Variants in PCDHGA4 observed in about 807,000 individuals in gnomAD.
The protein encoded by PCDHGA4 is protocadherin gamma-A4.
PCDHGA4 carries 38 observed loss-of-function variants against 54.6 expected under a neutral mutation model. That is an observed-to-expected ratio of 0.70 (90% confidence interval 0.54 to 0.91). PCDHGA4 has a LOEUF of 0.91. Ranked by LOEUF, PCDHGA4 falls within the 40% of genes least tolerant of loss-of-function variation. The pLI is 0.00. For synonymous variants in PCDHGA4, 511 were observed against 512.9 expected, an observed-to-expected ratio of 1.00 and a Z score of 0.05; for missense variants, 1,298 against 1,220.9, an observed-to-expected ratio of 1.06 and a Z score of -0.94.
intron 1 of PCDHGA4, chr5:141,398,032 C>A: frequency 6.8e-7 from 1 of 1,469,940 alleles, no homozygotes; most frequent in South Asian, 1.4e-5. Flanking sequence ...GGAACTGGAA[C>A]TAAAGCCCGT....
chr5:141,431,016 C>T lies in PCDHGA4; in HGVS notation c.2515-63791C>T, dbSNP rs755015257. Reference sequence around the variant, plus strand: ...AATCCGCGCAGCGGCAGCTTGGTCACGGCGGGCAGGATAGACCGGGAGGAG... The same window carrying T: ...AATCCGCGCAGCGGCAGCTTGGTCATGGCGGGCAGGATAGACCGGGAGGAG... On this transcript the variant is annotated intron_variant, in intron 1 of 3. Transcript: ENST00000571252. This position sits in a 1 kb window ranked among gnomAD's most constrained non-coding sequence, Gnocchi z 4.8. 3 of 1,613,456 alleles carry T rather than the reference C, an allele frequency of 1.9e-6. No individual in the cohort carries two copies. The highest frequency in any genetic ancestry group is 2.2e-5 in the South Asian group (2 of 91,058).
chr5:141,489,069 C>G lies in PCDHGA4; in HGVS notation c.2515-5738C>G. ...TCAAATTCAGCTCCCCTCCCCCCTGCCCACCCCCGCCACTCGGTGACTAAG... is the reference window on the plus strand; with the variant it reads ...TCAAATTCAGCTCCCCTCCCCCCTGGCCACCCCCGCCACTCGGTGACTAAG... On this transcript the variant is annotated intron_variant, in intron 1 of 3. Coordinates refer to ENST00000571252, the MANE Select transcript of PCDHGA4 (RefSeq NM_018917.4). The surrounding 1 kb of genome is among the most constrained non-coding windows in gnomAD (Gnocchi z 4.5). 6.4e-5 allele frequency: 18 copies of G among 281,056 alleles called. No homozygotes were observed. Among genetic ancestry groups the G allele is most frequent in the Middle Eastern group, 1.1e-3 (1 of 944 alleles). 17.4% of individuals were successfully genotyped at this position (281,056 alleles called of 1,614,324 possible).
Position 141,431,334 on chromosome 5 carries a change from C to G in PCDHGA4, c.2515-63473C>G, listed in dbSNP as rs775651426. ...AATGGAGCCGACGGTAGTAAGTACC[C>G]CGAATTGGTGCTGAAACGCGCCCTG... On this transcript the variant is annotated intron_variant, in intron 1 of 3. Transcript: ENST00000571252. This position sits in a 1 kb window ranked among gnomAD's most constrained non-coding sequence, Gnocchi z 4.8. 1.9e-6 allele frequency: 3 copies of G among 1,614,118 alleles called. No individual in the cohort carries two copies. The South Asian group carries it at 3.3e-5, about 18-fold the overall frequency.
intron 1 of PCDHGA4, chr5:141,409,130 G>C (rs1265386524): frequency 2.5e-6 from 4 of 1,613,994 alleles, no homozygotes; most frequent in Non-Finnish European, 3.4e-6. Flanking sequence ...ATTTGATTTT[G>C]AAGATGTAGA....
intron 2 of PCDHGA4, among the ~76,000 whole-genome samples, chr5:141,499,670 C>T (rs1477227784): frequency 6.6e-6 from 1 of 151,412 alleles, no homozygotes; most frequent in African/African-American, 2.4e-5. Flanking sequence ...TCTTGGTCTC[C>T]ACCATCTTTA....
At chr5:141,406,836 TC>T (rs2094857566) in intron 1 of PCDHGA4, among the ~76,000 whole-genome samples, 1 of 152,232 alleles carries the variant, frequency 6.6e-6, no homozygotes, top group Non-Finnish European at 1.5e-5. Context: ...AACTTGCATA[TC>T]AGATATAATT....
chr5:141,414,864 G>A (rs766848727), intron 1 of PCDHGA4: 2 of 1,614,174 alleles, frequency 1.2e-6, no homozygotes, highest in South Asian at 2.2e-5. Context: ...ACGACAATGC[G>A]CCCGAGATCC....
chr5:141,453,701 AAC>A (rs1250174252), intron 1 of PCDHGA4, among the ~76,000 whole-genome samples: 1 of 152,240 alleles, frequency 6.6e-6, no homozygotes, highest in Non-Finnish European at 1.5e-5. Context: ...CCTGGCTTTG[AAC>A]AGTTTCACTA....
At chr5:141,408,590 G>A (rs776799830) in intron 1 of PCDHGA4, 4 of 1,613,956 alleles carry the variant, frequency 2.5e-6, no homozygotes, top group East Asian at 2.2e-5. Context: ...TAATGACCAC[G>A]CCCCTCAATT....
chr5:141,427,626 C>T, intron 1 of PCDHGA4: 1 of 699,934 alleles, frequency 1.4e-6, no homozygotes, highest in Non-Finnish European at 2.6e-6. Flanking sequence ...CGACAATGCT[C>T]CGGTTTTCCA....
In PCDHGA4 at chr5:141,476,824, C is replaced by A; in HGVS notation, c.2515-17983C>A. On this transcript the variant is annotated intron_variant, in intron 1 of 3. Coordinates refer to ENST00000571252, the MANE Select transcript of PCDHGA4 (RefSeq NM_018917.4). This position sits in a 1 kb window ranked among gnomAD's most constrained non-coding sequence, Gnocchi z 7.6. Reference sequence around the variant, plus strand: ...TGCCTATTCACATCAAGGTGCTGGACGCGAATGACAATGCGCCTGTCTTCA... The same window carrying A: ...TGCCTATTCACATCAAGGTGCTGGAAGCGAATGACAATGCGCCTGTCTTCA... The A allele has an allele frequency of 1.2e-6, 2 of 1,613,588 alleles. No individual in the cohort carries two copies. The highest frequency in any genetic ancestry group is 1.7e-6 in the Non-Finnish European group (2 of 1,180,036).
intron 1 of PCDHGA4, chr5:141,417,766 C>G: frequency 6.9e-7 from 1 of 1,442,472 alleles, no homozygotes; most frequent in Non-Finnish European, 9.1e-7. Flanking sequence ...AGACCCGGGA[C>G]TCCTCCTGTC....
chr5:141,458,609 A>T (rs1037852455), intron 1 of PCDHGA4, among the ~76,000 whole-genome samples: 1 of 152,004 alleles, frequency 6.6e-6, no homozygotes, highest in Non-Finnish European at 1.5e-5. Flanking sequence ...TCACTCTGTC[A>T]GCCAGGCTGG....
Position 141,477,917 on chromosome 5 carries a change from G to C in PCDHGA4, c.2515-16890G>C. 6.2e-7 allele frequency: 1 copy of C among 1,614,186 alleles called. No individual in the cohort carries two copies. The highest frequency in any genetic ancestry group is 2.2e-5 in the East Asian group (1 of 44,868). On this transcript the variant is annotated intron_variant, in intron 1 of 3. Transcript: ENST00000571252. The surrounding 1 kb of genome is among the most constrained non-coding windows in gnomAD (Gnocchi z 4.9). ...GGTGGTAGGCTGGGACGCGGATGCA[G>C]GGCACAATGCCTGGCTCTCCTACAG...
In PCDHGA4 at chr5:141,489,576, C is replaced by T; in HGVS notation, c.2515-5231C>T. 1.9e-6 allele frequency: 3 copies of T among 1,614,054 alleles called. No individual in the cohort carries two copies. Among genetic ancestry groups the T allele is most frequent in the Non-Finnish European group, 2.5e-6 (3 of 1,179,976 alleles). Reference sequence around the variant, plus strand: ...TGCCAGTGCAGGTGGTGACTGAACACCCCCTGGAGCTAATCCGTGTAGAGG... The same window carrying T: ...TGCCAGTGCAGGTGGTGACTGAACATCCCCTGGAGCTAATCCGTGTAGAGG... On this transcript the variant is annotated intron_variant, in intron 1 of 3. Coordinates refer to ENST00000571252, the MANE Select transcript of PCDHGA4 (RefSeq NM_018917.4). This position sits in a 1 kb window ranked among gnomAD's most constrained non-coding sequence, Gnocchi z 4.5.
At chr5:141,383,821 G>C in intron 1 of PCDHGA4, 1 of 1,613,922 alleles carries the variant, frequency 6.2e-7, no homozygotes, top group Non-Finnish European at 8.5e-7. Flanking sequence ...AGAAGGATTA[G>C]ATTATGAAGA....
rs1301787934 is a variant in PCDHGA4 at position 141,476,164 on chromosome 5, A to G, written c.2515-18643A>G. Reference sequence around the variant, plus strand: ...GCGGACTGGTAAGCACCGGGAGGGTAGTGGGAGTTTTGCTTCTGCTTGGTG... The same window carrying G: ...GCGGACTGGTAAGCACCGGGAGGGTGGTGGGAGTTTTGCTTCTGCTTGGTG... On this transcript the variant is annotated intron_variant, in intron 1 of 3. Transcript: ENST00000571252. This position sits in a 1 kb window ranked among gnomAD's most constrained non-coding sequence, Gnocchi z 7.6. 6.2e-7 allele frequency: 1 copy of G among 1,613,116 alleles called. No individual in the cohort carries two copies.
chr5:141,390,187 G>T, intron 1 of PCDHGA4: 1 of 1,614,040 alleles, frequency 6.2e-7, no homozygotes, highest in Non-Finnish European at 8.5e-7. Flanking sequence ...CTAAAATGTA[G>T]TGAGCAGTTG....
At chr5:141,415,740 G>GTTTTTGTTTTTTTTTT (rs2095911468) in intron 1 of PCDHGA4, 1 of 515,998 alleles carries the variant, frequency 1.9e-6, no homozygotes, top group Non-Finnish European at 2.6e-6. Context: ...GTTTATTAAG[G>GTTTTTGTTTTTTTTTT]TTTTTTTTTT....
Sources: allele counts gnomAD v4.1 joint callset (sites outside exome capture counted in the v4.1 genomes callset), GRCh38; gene constraint gnomAD v4.1.1; non-coding constraint Gnocchi (gnomAD v3.1); transcripts MANE v1.5; gene names NCBI Gene and HGNC (gene_info 2026-07-23, HGNC 2026-07-21).